Variants in ARK2N observed in about 807,000 individuals in gnomAD.
ARK2N encodes protein ARK2N.
chr18:46,224,117 A>G, the ARK2N span, among the ~76,000 whole-genome samples: 1 of 152,262 alleles, frequency 6.6e-6, no homozygotes, highest in East Asian at 1.9e-4. Flanking sequence ...AGTTGTACAC[A>G]TGTTCAGGTG....
chr18:46,217,481 T>C, the ARK2N span: 1 of 152,256 alleles, frequency 6.6e-6, no homozygotes, highest in African/African-American at 2.4e-5. Context: ...ATTGCCACAT[T>C]GAAGAGGGGC....
At chr18:46,186,246 AGTGCAGTGGT>A in the ARK2N span, among the ~76,000 whole-genome samples, 1 of 150,194 alleles carries the variant, frequency 6.7e-6, no homozygotes. Context: ...GCCAGGCTGG[AGTGCAGTGGT>A]GCTATCTCGG....
the ARK2N span, among the ~76,000 whole-genome samples, chr18:46,251,087 T>A: frequency 6.6e-6 from 1 of 152,220 alleles, no homozygotes; most frequent in Non-Finnish European, 1.5e-5. Context: ...GTGCATAGCA[T>A]GTCGCAAGTA....
At chr18:46,211,174 G>T in the ARK2N span, among the ~76,000 whole-genome samples, 1 of 152,132 alleles carries the variant, frequency 6.6e-6, no homozygotes, top group Non-Finnish European at 1.5e-5. Flanking sequence ...GGTCATTAAT[G>T]ACCCTGGTAA....
the ARK2N span, among the ~76,000 whole-genome samples, chr18:46,189,132 C>T: frequency 1.4e-5 from 2 of 147,808 alleles, no homozygotes; most frequent in Non-Finnish European, 3.0e-5. Context: ...GGAGAATCGC[C>T]TCAACCTGGG....
At chr18:46,203,332 C>G in the ARK2N span, among the ~76,000 whole-genome samples, 1 of 152,164 alleles carries the variant, frequency 6.6e-6, no homozygotes, top group African/African-American at 2.4e-5. Flanking sequence ...CTGTTGCATA[C>G]TGTTGCATGG....
the ARK2N span, among the ~76,000 whole-genome samples, chr18:46,203,743 T>C: frequency 3.2e-4 from 49 of 152,204 alleles, no homozygotes; most frequent in South Asian, 6.4e-3. Flanking sequence ...TGCACTACCA[T>C]GCCCAGCTAA....
At chr18:46,177,214 A>G in the ARK2N span, among the ~76,000 whole-genome samples, 1 of 152,136 alleles carries the variant, frequency 6.6e-6, no homozygotes, top group Non-Finnish European at 1.5e-5. Flanking sequence ...GTGAGACTAT[A>G]AAAGGGGAGA....
chr18:46,243,152 G>A, the ARK2N span, among the ~76,000 whole-genome samples: 2 of 152,060 alleles, frequency 1.3e-5, no homozygotes, highest in African/African-American at 4.8e-5. Context: ...CTGTAGTCTT[G>A]ATGTGATTAT....
At chr18:46,212,327 C>G in the ARK2N span, among the ~76,000 whole-genome samples, 1 of 152,184 alleles carries the variant, frequency 6.6e-6, no homozygotes, top group Admixed American at 6.5e-5. Context: ...CTGTCTTCTC[C>G]TGTTCCCTTA....
chr18:46,227,397 C>G, the ARK2N span, among the ~76,000 whole-genome samples: 1 of 152,248 alleles, frequency 6.6e-6, no homozygotes, highest in Non-Finnish European at 1.5e-5. Context: ...ATAGACTGAA[C>G]CACATTTTTT....
the ARK2N span, chr18:46,263,393 T>C: frequency 3.7e-6 from 1 of 270,796 alleles, no homozygotes. Flanking sequence ...TTGGTGACTT[T>C]TAATCTTAGG....
the ARK2N span, chr18:46,218,301 T>G: frequency 6.6e-6 from 1 of 152,264 alleles, no homozygotes; most frequent in African/African-American, 2.4e-5. Context: ...TTGTCTCTTC[T>G]GAATTGTGTA....
chr18:46,211,441 AAGG>A, the ARK2N span, among the ~76,000 whole-genome samples: 2 of 152,056 alleles, frequency 1.3e-5, no homozygotes, highest in South Asian at 4.2e-4. Flanking sequence ...GGTTTGATAG[AAGG>A]AGATGTCAGG....
chr18:46,174,433 G>A, the ARK2N span: 3 of 152,354 alleles, frequency 2.0e-5, no homozygotes, highest in Admixed American at 6.5e-5. Flanking sequence ...AGGGCTGCGG[G>A]CCGCGGTGAG....
At chr18:46,217,484 AG>A in the ARK2N span, 1 of 152,236 alleles carries the variant, frequency 6.6e-6, no homozygotes, top group Non-Finnish European at 1.5e-5. Context: ...GCCACATTGA[AG>A]AGGGGCAAGT....
chr18:46,198,310 CAAAAAAAAAAAA>C, the ARK2N span, among the ~76,000 whole-genome samples: 6 of 69,148 alleles, frequency 8.7e-5, no homozygotes, highest in Non-Finnish European at 1.0e-4. Flanking sequence ...ACTCCATCTC[CAAAAAAAAAAAA>C]AAAAAAAAAA....
At chr18:46,195,796 G>A in the ARK2N span, among the ~76,000 whole-genome samples, 1 of 151,568 alleles carries the variant, frequency 6.6e-6, no homozygotes, top group Non-Finnish European at 1.5e-5. Flanking sequence ...AGCTGGTCTC[G>A]AACTCCTGAC....
the ARK2N span, chr18:46,215,970 G>A: frequency 6.2e-7 from 1 of 1,614,134 alleles, no homozygotes; most frequent in South Asian, 1.1e-5. Context: ...CAGCCAAGGA[G>A]GAAGATGGAT....
Sources: allele counts gnomAD v4.1 joint callset (sites outside exome capture counted in the v4.1 genomes callset), GRCh38; gene constraint gnomAD v4.1.1; transcripts MANE v1.5; gene names NCBI Gene and HGNC (gene_info 2026-07-23, HGNC 2026-07-21).